The following ADARB2 variants were observed in gnomAD, a reference collection of about 807,000 sequenced individuals.
ADARB2 encodes the protein adenosine deaminase RNA specific B2 (inactive).
Under a neutral mutation model 62.2 loss-of-function variants are expected in ADARB2, and 25 were observed. The observed-to-expected ratio is 0.40, with a 90% CI of 0.29 to 0.56. The LOEUF is 0.56. Ranked by LOEUF, ADARB2 falls within the 20% of genes least tolerant of loss-of-function variation. The probability of loss-of-function intolerance (pLI) is 0.43; values close to 1 mark genes in which losing one functional copy is unlikely to be tolerated. For synonymous variants in ADARB2, 572 were observed against 500.8 expected, an observed-to-expected ratio of 1.14 and a Z score of -1.90; for missense variants, 1,071 against 1,077.4, an observed-to-expected ratio of 0.99 and a Z score of 0.08.
intron 6 of ADARB2, among the ~76,000 whole-genome samples, chr10:1,218,876 C>G (rs1036789761): frequency 1.3e-5 from 2 of 150,794 alleles, no homozygotes; most frequent in Non-Finnish European, 2.9e-5. Context: ...AACCCCATCT[C>G]TACTAAAAAT....
intron 1 of ADARB2, among the ~76,000 whole-genome samples, chr10:1,605,388 G>C (rs1341309743): frequency 6.6e-6 from 1 of 152,212 alleles, no homozygotes; most frequent in Admixed American, 6.5e-5. Flanking sequence ...CAGGGAGCGA[G>C]GTGGGCCTGG....
At position 1,717,532 on chromosome 10, in the gene ADARB2, CCTTCCTTCCTTTCCTT is replaced by C. The variant is rs535844825; in HGVS notation, c.100+19503_100+19518del. Among the ~76,000 whole-genome samples, 9 of 121,604 alleles carry C rather than the reference CCTTCCTTCCTTTCCTT, an allele frequency of 7.4e-5. No individual in the cohort carries two copies. The South Asian group carries it at 2.2e-3, about 30-fold the overall frequency. The allele number at this position is 121,604 out of a possible 152,430, so 79.8% of individuals were successfully genotyped here. A position where few individuals can be genotyped will look rare whatever the true frequency, so the allele number is the denominator to read the frequency against. ...CTTTCTCTCTCTCTTTCCTTTCTTT[CCTTCCTTCCTTTCCTT>C]TTTCCTTCCTTCGTTTTTCTTTCCT... On this transcript the variant is annotated intron_variant, in intron 1 of 9. Coordinates refer to ENST00000381312, the MANE Select transcript of ADARB2 (RefSeq NM_018702.4).
intron 8 of ADARB2, among the ~76,000 whole-genome samples, chr10:1,188,523 G>A (rs984368992): frequency 2.6e-5 from 4 of 151,918 alleles, no homozygotes; most frequent in African/African-American, 9.7e-5. Flanking sequence ...GGAAGGGTCT[G>A]CTCCCCTCTG....
intron 3 of ADARB2, among the ~76,000 whole-genome samples, chr10:1,335,778 T>C (rs1320330644): frequency 6.6e-6 from 1 of 152,212 alleles, no homozygotes; most frequent in Admixed American, 6.5e-5. Context: ...CAAAGCAGAA[T>C]GTGCACATCC....
At chr10:1,402,967 T>C (rs939938617) in intron 1 of ADARB2, among the ~76,000 whole-genome samples, 7 of 152,208 alleles carry the variant, frequency 4.6e-5, no homozygotes, top group Admixed American at 2.6e-4. Flanking sequence ...CTCCCTGGTG[T>C]TTGTTCCGTG....
In ADARB2 at chr10:1,308,094, T is replaced by A. The variant is rs1199254014; in HGVS notation, c.1078-37025A>T. Among the ~76,000 whole-genome samples the A allele has an allele frequency of 1.5e-3, 204 of 138,736 alleles. 1 individual carries two copies. In the Middle Eastern group the frequency reaches 0.015, roughly 10 times the overall value. The allele number at this position is 138,736 out of a possible 152,430, so 91.0% of individuals were successfully genotyped here. On this transcript the variant is annotated intron_variant, in intron 3 of 9. Transcript: ENST00000381312. ...TTAAAGTATAATAAAAAAAATAAAT[T>A]AAAAAAAAAAAGTATCTCCCACTGT...
chr10:1,692,609 A>G lies in ADARB2; in HGVS notation c.100+44442T>C, dbSNP rs142097502. 3.0e-3 allele frequency among the ~76,000 whole-genome samples: 453 copies of G among 152,326 alleles called. 1 individual carries two copies. Among genetic ancestry groups the G allele is most frequent in the African/African-American group, 9.4e-3 (392 of 41,578 alleles). ...AGTGAAGGGGAGGAATTGGAGGTCCAATCCACCTGTCAGATGCTTTATACG... is the reference window on the plus strand; with the variant it reads ...AGTGAAGGGGAGGAATTGGAGGTCCGATCCACCTGTCAGATGCTTTATACG... On this transcript the variant is annotated intron_variant, in intron 1 of 9. Transcript: ENST00000381312.
chr10:1,355,610 T>C (rs1358488356), intron 3 of ADARB2, among the ~76,000 whole-genome samples: 1 of 152,232 alleles, frequency 6.6e-6, no homozygotes, highest in East Asian at 1.9e-4. Context: ...TGGTGAAGCT[T>C]GGCTCACAGG....
At chr10:1,454,843 A>G (rs1300545266) in intron 1 of ADARB2, among the ~76,000 whole-genome samples, 1 of 152,232 alleles carries the variant, frequency 6.6e-6, no homozygotes, top group Non-Finnish European at 1.5e-5. Context: ...ATATTTTACC[A>G]TAATTTAAAA....
intron 2 of ADARB2, among the ~76,000 whole-genome samples, chr10:1,374,005 T>C (rs1321533967): frequency 6.6e-6 from 1 of 151,520 alleles, no homozygotes; most frequent in Non-Finnish European, 1.5e-5. Flanking sequence ...CCTTTCCTAG[T>C]GAAACCCGCT....
chr10:1,259,185 C>T (rs1831109968), intron 4 of ADARB2, among the ~76,000 whole-genome samples: 1 of 152,106 alleles, frequency 6.6e-6, no homozygotes, highest in Admixed American at 6.5e-5. Context: ...TAAATGCCCA[C>T]AAGAGAAAGC....
In ADARB2 at chr10:1,737,248, G is replaced by A. The variant is rs1027484214; in HGVS notation, c.-98C>T. 7 of 1,309,230 alleles carry A rather than the reference G, an allele frequency of 5.3e-6. No individual in the cohort carries two copies. In the African/African-American group the frequency reaches 8.7e-5, roughly 16 times the overall value. 81.1% of individuals were successfully genotyped at this position (1,309,230 alleles called of 1,614,324 possible). Reference sequence around the variant, plus strand: ...CCGCCGCCGCTGCTGCGAAGCTTGAGGTTGCAAACCCGGGAGCGGCTCACT... The same window carrying A: ...CCGCCGCCGCTGCTGCGAAGCTTGAAGTTGCAAACCCGGGAGCGGCTCACT... On this transcript the variant is annotated 5_prime_UTR_variant, in exon 1 of 10. Coordinates refer to ENST00000381312, the MANE Select transcript of ADARB2 (RefSeq NM_018702.4).
intron 1 of ADARB2, among the ~76,000 whole-genome samples, chr10:1,400,195 C>T (rs889069909): frequency 3.3e-5 from 5 of 152,100 alleles, no homozygotes; most frequent in South Asian, 2.1e-4. Context: ...AGCTGTCCTG[C>T]GTCTGTCTCT....
chr10:1,270,113 G>A (rs1002204525), intron 4 of ADARB2, among the ~76,000 whole-genome samples: 1 of 152,236 alleles, frequency 6.6e-6, no homozygotes, highest in African/African-American at 2.4e-5. Flanking sequence ...CTGGGTTCCA[G>A]TGTTCCCACA....
In ADARB2 at chr10:1,278,420, C is replaced by T. The variant is rs191131165; in HGVS notation, c.1078-7351G>A. On this transcript the variant is annotated intron_variant, in intron 3 of 9. Transcript: ENST00000381312. ...AGTACTTGGTAGTTAGTTTCTCAAC[C>T]CCCTCCCTCCCCACCAGTATTCCCC... Among the ~76,000 whole-genome samples, 68 of 151,424 alleles carry T rather than the reference C, an allele frequency of 4.5e-4. 2 individuals carry two copies. In the South Asian group the frequency reaches 8.0e-3, roughly 18 times the overall value.
chr10:1,298,170 C>A (rs565955276), intron 3 of ADARB2, among the ~76,000 whole-genome samples: 1 of 152,134 alleles, frequency 6.6e-6, no homozygotes, highest in Non-Finnish European at 1.5e-5. Flanking sequence ...GCAAACGAAA[C>A]GGACAGAGAT....
chr10:1,363,349 C>A lies in ADARB2; in HGVS notation c.756G>T (p.Gly252=), dbSNP rs1416103751. The change falls in exon 3 of 10, where the codon GGG becomes GGT. Residue 252 remains glycine, a synonymous_variant. Coordinates refer to ENST00000381312, the MANE Select transcript of ADARB2 (RefSeq NM_018702.4). ...GCGCGCGGCACAGCAGCCGCCGTCG[C>A]CCGTAGGCCGCGGACAGAAGCGCGG... ...GDAALLSAAY[G]RRRLLCRALD... 2 of 1,274,686 alleles carry A rather than the reference C, an allele frequency of 1.6e-6. No individual in the cohort carries two copies. The highest frequency in any genetic ancestry group is 5.4e-5 in the South Asian group (2 of 37,054). 79.0% of individuals were successfully genotyped at this position (1,274,686 alleles called of 1,614,324 possible).
At chr10:1,573,001 T>A (rs139821387) in intron 1 of ADARB2, among the ~76,000 whole-genome samples, 4 of 152,310 alleles carry the variant, frequency 2.6e-5, no homozygotes, top group African/African-American at 9.6e-5. Context: ...ATGGCCAGAG[T>A]GGCCCCAGCC....
chr10:1,221,737 G>A (rs1165289327), intron 6 of ADARB2, among the ~76,000 whole-genome samples: 2 of 152,100 alleles, frequency 1.3e-5, no homozygotes, highest in Non-Finnish European at 2.9e-5. Context: ...TCCCTACAAA[G>A]GACATGAACT....
Sources: allele counts gnomAD v4.1 joint callset (sites outside exome capture counted in the v4.1 genomes callset), GRCh38; gene constraint gnomAD v4.1.1; transcripts MANE v1.5; gene names NCBI Gene and HGNC (gene_info 2026-07-23, HGNC 2026-07-21).